Variants in KHDRBS2 observed in about 807,000 individuals in gnomAD.
KHDRBS2 encodes the protein KH domain-containing, RNA-binding, signal transduction-associated protein 2.
Under a neutral mutation model 44.3 loss-of-function variants are expected in KHDRBS2, and 26 were observed. The ratio of observed to expected loss-of-function variants is 0.59; its 90% CI spans 0.43 to 0.81. The LOEUF (loss-of-function observed/expected upper bound fraction) is 0.81. KHDRBS2 is among the 40% of genes least tolerant of loss of function. The probability of loss-of-function intolerance (pLI) is 0.00; values close to 1 mark genes in which losing one functional copy is unlikely to be tolerated. For synonymous variants in KHDRBS2, 194 were observed against 151.1 expected (o/e 1.28, Z -2.08); for missense variants, 476 against 433.1 (o/e 1.10, Z -0.88).
chr6:62,264,593 A>G (rs917222979), intron 1 of KHDRBS2, among the ~76,000 whole-genome samples: 5 of 151,726 alleles, frequency 3.3e-5, no homozygotes, highest in African/African-American at 1.2e-4. Context: ...TTTTGCAAGA[A>G]TTCACAAAAG....
At chr6:61,671,832 CT>C in the KHDRBS2 span, among the ~76,000 whole-genome samples, 3 of 151,310 alleles carry the variant, frequency 2.0e-5, no homozygotes, top group South Asian at 2.1e-4. Flanking sequence ...GACCCTTATT[CT>C]TTTTTTAAAT....
chr6:61,893,396 T>C (rs78971326), intron 6 of KHDRBS2, among the ~76,000 whole-genome samples: 133,063 of 152,164 alleles, frequency 0.87, 58,709 homozygotes, highest in African/African-American at 0.97. Context: ...ATCCCATTAC[T>C]GGGTATATAC....
the KHDRBS2 span, among the ~76,000 whole-genome samples, chr6:61,604,742 T>C: frequency 5.3e-5 from 8 of 152,258 alleles, no homozygotes; most frequent in Middle Eastern, 6.8e-3. Context: ...TGACTTTACT[T>C]ACATGCCCTG....
At chr6:61,785,633 A>T (rs1449153792) in intron 6 of KHDRBS2, among the ~76,000 whole-genome samples, 1 of 152,020 alleles carries the variant, frequency 6.6e-6, no homozygotes, top group Non-Finnish European at 1.5e-5. Context: ...TTTTTAAATC[A>T]TATGTTCCAA....
At chr6:61,690,975 C>A (rs1767338197) in intron 8 of KHDRBS2, among the ~76,000 whole-genome samples, 2 of 152,048 alleles carry the variant, frequency 1.3e-5, no homozygotes, top group African/African-American at 4.8e-5. Context: ...TTATTCTCAA[C>A]CTTAGCTTAC....
downstream of KHDRBS2, among the ~76,000 whole-genome samples, chr6:61,676,097 A>G (rs904717269): frequency 6.6e-6 from 1 of 151,784 alleles, no homozygotes; most frequent in Non-Finnish European, 1.5e-5. Context: ...TGATACTGAC[A>G]AGAGAAGGCA....
intron 7 of KHDRBS2, among the ~76,000 whole-genome samples, chr6:61,715,722 T>C (rs1771284760): frequency 1.3e-5 from 2 of 152,090 alleles, no homozygotes; most frequent in South Asian, 4.1e-4. Context: ...TCTCTAATTG[T>C]TTACAAATAG....
intron 1 of KHDRBS2, among the ~76,000 whole-genome samples, chr6:62,251,990 T>C (rs974853230): frequency 3.3e-5 from 5 of 151,902 alleles, no homozygotes; most frequent in African/African-American, 9.7e-5. Flanking sequence ...GGGGCATTTG[T>C]GAACATGAAT....
the KHDRBS2 span, among the ~76,000 whole-genome samples, chr6:61,609,285 G>A: frequency 6.6e-6 from 1 of 152,216 alleles, no homozygotes; most frequent in Non-Finnish European, 1.5e-5. Flanking sequence ...TTAAACCCAG[G>A]AGGTGGATGT....
intron 6 of KHDRBS2, among the ~76,000 whole-genome samples, chr6:61,771,945 C>G (rs901728520): frequency 2.6e-5 from 4 of 152,148 alleles, no homozygotes; most frequent in African/African-American, 9.7e-5. Flanking sequence ...AAGTAAAGCA[C>G]TCTTCAGCAA....
intron 3 of KHDRBS2, among the ~76,000 whole-genome samples, chr6:62,028,607 T>A (rs1783798106): frequency 1.3e-5 from 2 of 152,120 alleles, no homozygotes; most frequent in African/African-American, 4.8e-5. Flanking sequence ...CACATATACT[T>A]ACATTCTCCA....
At chr6:61,944,471 T>C (rs1385249029) in intron 4 of KHDRBS2, among the ~76,000 whole-genome samples, 1 of 150,872 alleles carries the variant, frequency 6.6e-6, no homozygotes, top group African/African-American at 2.4e-5. Context: ...TCAGAGACAA[T>C]AGAATGATAG....
chr6:61,689,297 A>G (rs1767127105), intron 8 of KHDRBS2, among the ~76,000 whole-genome samples: 1 of 151,960 alleles, frequency 6.6e-6, no homozygotes, highest in Non-Finnish European at 1.5e-5. Context: ...AACTATAATC[A>G]TAAGTATAGC....
At chr6:61,823,873 C>G (rs1004217723) in intron 6 of KHDRBS2, among the ~76,000 whole-genome samples, 5 of 152,044 alleles carry the variant, frequency 3.3e-5, no homozygotes, top group African/African-American at 1.2e-4. Flanking sequence ...ATATGAGTCT[C>G]TTAATGAAGA....
intron 2 of KHDRBS2, among the ~76,000 whole-genome samples, chr6:62,075,914 T>TC (rs1554378419): frequency 6.7e-6 from 1 of 149,970 alleles, no homozygotes; most frequent in African/African-American, 2.5e-5. Flanking sequence ...TCTCTCTCTC[T>TC]TCTATTTTTA....
chr6:62,027,049 G>A (rs1012604653), intron 3 of KHDRBS2, among the ~76,000 whole-genome samples: 47 of 150,012 alleles, frequency 3.1e-4, no homozygotes, highest in African/African-American at 1.2e-3. Flanking sequence ...TATTGTACAT[G>A]TGGAGAATGT....
chr6:62,170,190 C>T (rs1819711363), intron 2 of KHDRBS2, among the ~76,000 whole-genome samples: 1 of 152,024 alleles, frequency 6.6e-6, no homozygotes, highest in Non-Finnish European at 1.5e-5. Context: ...CTGAGTGGGA[C>T]CTGCCAGCTT....
chr6:62,181,929 C>G (rs1244401652), intron 1 of KHDRBS2, among the ~76,000 whole-genome samples: 1 of 151,950 alleles, frequency 6.6e-6, no homozygotes, highest in African/African-American at 2.4e-5. Context: ...TACCCAGATA[C>G]TGAATCTGCC....
At chr6:61,930,950 C>T (rs1449017048) in intron 4 of KHDRBS2, among the ~76,000 whole-genome samples, 1 of 152,002 alleles carries the variant, frequency 6.6e-6, no homozygotes, top group Non-Finnish European at 1.5e-5. Context: ...TTTTTCTACT[C>T]AGGTGGATAG....
Sources: allele counts gnomAD v4.1 joint callset (sites outside exome capture counted in the v4.1 genomes callset), GRCh38; gene constraint gnomAD v4.1.1; transcripts MANE v1.5; gene names NCBI Gene and HGNC (gene_info 2026-07-23, HGNC 2026-07-21).